TDG: variants seen among roughly 807,000 people sequenced by gnomAD.
TDG encodes the protein thymine DNA glycosylase.
TDG carries 23 observed loss-of-function variants against 46.1 expected under a neutral mutation model. The observed-to-expected ratio is 0.50, with a 90% CI of 0.36 to 0.71. The LOEUF is 0.71. Ranked by LOEUF, TDG falls within the 30% of genes least tolerant of loss-of-function variation. The pLI, the probability that TDG is intolerant of heterozygous loss-of-function variation, is 0.00. For synonymous variants in TDG, 115 were observed against 161.3 expected, an observed-to-expected ratio of 0.71 and a Z score of 2.18; for missense variants, 304 against 486.7, an observed-to-expected ratio of 0.62 and a Z score of 3.53.
Position 103,983,127 on chromosome 12 carries a change from C to G in TDG, c.615-9C>G. On this transcript the variant is annotated splice_polypyrimidine_tract_variant and intron_variant, in intron 5 of 9. Coordinates refer to ENST00000392872, the MANE Select transcript of TDG (RefSeq NM_003211.6). ...TTATATTTTTGACTACTTTTTAATT[C>G]AATTTTAGTAAAGAATTTCGTGAAG... 1 of 1,567,320 alleles carries G rather than the reference C, an allele frequency of 6.4e-7. No homozygotes were observed. Among genetic ancestry groups the G allele is most frequent in the Non-Finnish European group, 8.6e-7 (1 of 1,162,904 alleles).
rs1481274751 is a variant in TDG at position 103,965,994 on chromosome 12, G to A, written c.-44G>A. The A allele has an allele frequency of 1.3e-6, 2 of 1,586,244 alleles. No homozygotes were observed. The highest frequency in any genetic ancestry group is 1.7e-4 in the Middle Eastern group (1 of 5,822). ...GCGGTACTACAGAGACCGGCTGCCC[G>A]TGTGCCCGGCAGGTGGAGCCGCCCG... On this transcript the variant is annotated 5_prime_UTR_variant, in exon 1 of 10. It adds an upstream start codon to the 5' untranslated region. Transcript: ENST00000392872.
At chr12:103,978,059 T>TCAAAAA (rs4015355) in intron 2 of TDG, among the ~76,000 whole-genome samples, 160 of 151,172 alleles carry the variant, frequency 1.1e-3, no homozygotes, top group Middle Eastern at 3.4e-3. Flanking sequence ...AGACTCTGTC[T>TCAAAAA]CAAAAACAAA....
Position 103,970,932 on chromosome 12 carries a change from T to TG in TDG, c.23+4875dup, listed in dbSNP as rs199567608. Among the ~76,000 whole-genome samples the TG allele has an allele frequency of 5.6e-3, 847 of 151,672 alleles. 3 individuals are homozygous for TG. Among genetic ancestry groups the TG allele is most frequent in the African/African-American group, 0.02 (819 of 41,300 alleles). Reference sequence around the variant, plus strand: ...CAACCAACTGTGGATTGAAATTATTTGGGAAAAAAAAAGACAAATAACAAC... The same window carrying TG: ...CAACCAACTGTGGATTGAAATTATTTGGGGAAAAAAAAAGACAAATAACAAC... On this transcript the variant is annotated intron_variant, in intron 1 of 9. Transcript: ENST00000392872.
intron 1 of TDG, among the ~76,000 whole-genome samples, chr12:103,966,607 T>C (rs1871041668): frequency 6.6e-6 from 1 of 152,210 alleles, no homozygotes; most frequent in Admixed American, 6.5e-5. Flanking sequence ...CTTTGAGTTT[T>C]CCAGTGGCCT....
At chr12:103,984,599 A>G in intron 7 of TDG, 150 bp from the exon 8 acceptor site, 4 of 550,510 alleles carry the variant, frequency 7.3e-6, no homozygotes, top group Non-Finnish European at 1.0e-5. Context: ...ATTCAACCTT[A>G]AAAGCAACTA....
chr12:103,969,019 C>T (rs1871180046), intron 1 of TDG, among the ~76,000 whole-genome samples: 1 of 152,192 alleles, frequency 6.6e-6, no homozygotes, highest in Admixed American at 6.5e-5. Flanking sequence ...CACTACACTA[C>T]AGTATCAGTT....
Position 103,988,040 on chromosome 12 carries a change from C to T in TDG, c.*950C>T, listed in dbSNP as rs1352605243. The T allele has an allele frequency of 6.5e-6, 1 of 152,696 alleles. No individual in the cohort carries two copies. The highest frequency in any genetic ancestry group is 2.4e-5 in the African/African-American group (1 of 41,486). The allele number at this position is 152,696 out of a possible 1,614,324, so 9.5% of individuals were successfully genotyped here. Reference sequence around the variant, plus strand: ...TTTCTTGCTAGGTAAATCCAGTAAGCCAATAATTTTAAAGATTCTTTATCT... The same window carrying T: ...TTTCTTGCTAGGTAAATCCAGTAAGTCAATAATTTTAAAGATTCTTTATCT... On this transcript the variant is annotated 3_prime_UTR_variant, in exon 10 of 10. Coordinates refer to ENST00000392872, the MANE Select transcript of TDG (RefSeq NM_003211.6).
intron 2 of TDG, 75 bp downstream of exon 2, chr12:103,977,135 A>AT: frequency 6.5e-7 from 1 of 1,546,182 alleles, no homozygotes; most frequent in Non-Finnish European, 8.7e-7. Flanking sequence ...TTCATGGTGA[A>AT]TTTTAGCTCT....
intron 9 of TDG, 26 bp downstream of exon 9, chr12:103,985,754 C>A: frequency 7.1e-7 from 1 of 1,406,202 alleles, no homozygotes; most frequent in Non-Finnish European, 9.4e-7. Flanking sequence ...CATGTGTATT[C>A]CTTTCAAAGA....
intron 1 of TDG, among the ~76,000 whole-genome samples, chr12:103,973,511 A>G (rs932383399): frequency 6.6e-6 from 1 of 152,178 alleles, no homozygotes; most frequent in African/African-American, 2.4e-5. Flanking sequence ...CAGAACTTGC[A>G]GTTTCTTTAG....
In TDG at chr12:103,980,049, A is replaced by T. The variant is rs754100224; in HGVS notation, c.385A>T (p.Thr129Ser). 2 of 1,614,218 alleles carry T rather than the reference A, an allele frequency of 1.2e-6. No individual in the cohort carries two copies. The highest frequency in any genetic ancestry group is 1.7e-4 in the Middle Eastern group (1 of 6,036). ...LLTKTLPDIL[T>S]FNLDIVIIGI... ...GACCAAGACTCTCCCCGATATTTTG[A>T]CCTTCAATCTGGACATTGTCATTGT... The change falls in exon 3 of 10, where the codon ACC (threonine) becomes TCC (serine). Residue 129 changes from threonine (T) to serine (S), a missense_variant. Transcript: ENST00000392872.
intron 2 of TDG, among the ~76,000 whole-genome samples, chr12:103,979,006 T>C (rs574779549): frequency 1.8e-4 from 27 of 152,170 alleles, no homozygotes; most frequent in Admixed American, 1.5e-3. Flanking sequence ...AGAGATGTCA[T>C]CCTGGGCACC....
intron 5 of TDG, 48 bp downstream of exon 5, chr12:103,982,982 G>A: frequency 6.2e-7 from 1 of 1,606,658 alleles, no homozygotes; most frequent in Non-Finnish European, 8.5e-7. Context: ...TGAGTATGCT[G>A]GTGCCCCAAA....
At chr12:103,982,994 A>G in intron 5 of TDG, 60 bp downstream of exon 5, 1 of 1,602,456 alleles carries the variant, frequency 6.2e-7, no homozygotes. Context: ...TGCCCCAAAT[A>G]TTCTAGGAAC....
intron 4 of TDG, among the ~76,000 whole-genome samples, chr12:103,982,016 AAAAACAAACAAG>A (rs140690710): frequency 0.081 from 12,351 of 152,160 alleles, 1,013 homozygotes; most frequent in African/African-American, 0.2. Flanking sequence ...CCTGTATCAC[AAAAACAAACAAG>A]AAAACAAACA....
chr12:103,981,089 CTGTG>C (rs1235268755), intron 4 of TDG, 127 bp downstream of exon 4: 2 of 760,288 alleles, frequency 2.6e-6, no homozygotes, highest in Non-Finnish European at 4.3e-6. Flanking sequence ...GTTTCATGTT[CTGTG>C]TGTGTGTCTG....
chr12:103,974,885 G>A (rs1299364893), intron 1 of TDG, among the ~76,000 whole-genome samples: 1 of 149,852 alleles, frequency 6.7e-6, no homozygotes, highest in African/African-American at 2.5e-5. Flanking sequence ...TGAGGCAGGA[G>A]AATGGCGTGA....
intron 1 of TDG, among the ~76,000 whole-genome samples, chr12:103,976,694 T>C (rs3751207): frequency 0.084 from 12,790 of 152,206 alleles, 824 homozygotes; most frequent in East Asian, 0.31. Flanking sequence ...CATCTTATCA[T>C]TTAAACAGTG....
chr12:103,969,871 G>A (rs1451842664), intron 1 of TDG, among the ~76,000 whole-genome samples: 1 of 152,052 alleles, frequency 6.6e-6, no homozygotes, highest in Admixed American at 6.5e-5. Flanking sequence ...GTTTGATTCC[G>A]AGCACCAAAA....
Sources: allele counts gnomAD v4.1 joint callset (sites outside exome capture counted in the v4.1 genomes callset), GRCh38; gene constraint gnomAD v4.1.1; transcripts MANE v1.5; gene names NCBI Gene and HGNC (gene_info 2026-07-23, HGNC 2026-07-21).